Variants in CARMIL1 observed in about 807,000 individuals in gnomAD.
The protein encoded by CARMIL1 is capping protein regulator and myosin 1 linker 1, also known as F-actin-uncapping protein LRRC16A.
Under a neutral mutation model 177.1 loss-of-function variants are expected in CARMIL1, and 90 were observed. The observed-to-expected ratio is 0.51, with a 90% CI of 0.43 to 0.61. The LOEUF (loss-of-function observed/expected upper bound fraction) is 0.61. Among genes scored for constraint, CARMIL1 ranks in the 20% least tolerant of loss-of-function variants. The pLI is 0.00. For synonymous variants in CARMIL1, 577 were observed against 606.2 expected (o/e 0.95, Z 0.71); for missense variants, 1,380 against 1,667.0 (o/e 0.83, Z 3.00).
At chr6:25,341,230 A>G (rs1293947784) in intron 2 of CARMIL1, among the ~76,000 whole-genome samples, 3 of 152,148 alleles carry the variant, frequency 2.0e-5, no homozygotes, top group Non-Finnish European at 2.9e-5. Flanking sequence ...GCTGGGATTT[A>G]AGTTGAGGTA....
At chr6:25,297,223 T>C (rs1280062056) in intron 2 of CARMIL1, among the ~76,000 whole-genome samples, 33 of 152,268 alleles carry the variant, frequency 2.2e-4, no homozygotes, top group Non-Finnish European at 8.8e-5. Context: ...TCACTGCTTG[T>C]GCTGTTGATA....
At chr6:25,518,853 GA>G (rs1227080295) in intron 22 of CARMIL1, among the ~76,000 whole-genome samples, 2 of 152,174 alleles carry the variant, frequency 1.3e-5, no homozygotes, top group Non-Finnish European at 2.9e-5. Context: ...TAACATGATA[GA>G]AATTGGATGA....
At chr6:25,459,249 T>A (rs1421675463) in intron 8 of CARMIL1, among the ~76,000 whole-genome samples, 1 of 117,626 alleles carries the variant, frequency 8.5e-6, no homozygotes, top group African/African-American at 3.1e-5. Flanking sequence ...TTTCTTTCTT[T>A]CTTTCTTTCT....
intron 2 of CARMIL1, among the ~76,000 whole-genome samples, chr6:25,355,572 G>C (rs1029860439): frequency 6.6e-6 from 1 of 152,180 alleles, no homozygotes; most frequent in African/African-American, 2.4e-5. Flanking sequence ...TACTCTGGAG[G>C]TTGAGGCGGG....
intron 2 of CARMIL1, among the ~76,000 whole-genome samples, chr6:25,355,627 T>A (rs1788516775): frequency 6.6e-6 from 1 of 152,170 alleles, no homozygotes; most frequent in Non-Finnish European, 1.5e-5. Context: ...TGAGTTATGA[T>A]CGCACCACTG....
intron 2 of CARMIL1, among the ~76,000 whole-genome samples, chr6:25,299,711 C>T (rs1304921490): frequency 6.6e-6 from 1 of 151,894 alleles, no homozygotes; most frequent in Non-Finnish European, 1.5e-5. Flanking sequence ...CACGGTGGCT[C>T]ATGCCTGTAA....
chr6:25,584,194 T>C (rs1254419363), intron 31 of CARMIL1, among the ~76,000 whole-genome samples: 1 of 151,014 alleles, frequency 6.6e-6, no homozygotes, highest in Non-Finnish European at 1.5e-5. Flanking sequence ...CCACCATGCT[T>C]GGCTAATTAT....
At chr6:25,556,956 A>G in intron 29 of CARMIL1, 106 bp downstream of exon 29, 1 of 1,122,534 alleles carries the variant, frequency 8.9e-7, no homozygotes, top group Non-Finnish European at 1.3e-6. Context: ...CAAACAAAAC[A>G]CTGTCCCCAC....
chr6:25,592,334 G>A (rs1200330178), intron 31 of CARMIL1, among the ~76,000 whole-genome samples: 5 of 152,188 alleles, frequency 3.3e-5, no homozygotes, highest in African/African-American at 1.2e-4. Context: ...GGCTATTACT[G>A]CTATAGAGAT....
intron 3 of CARMIL1, among the ~76,000 whole-genome samples, chr6:25,424,105 C>G (rs1432271169): frequency 6.6e-6 from 1 of 152,124 alleles, no homozygotes; most frequent in Non-Finnish European, 1.5e-5. Flanking sequence ...TAATGATAAC[C>G]TGGGACTTCA....
At chr6:25,309,605 A>C (rs1783609720) in intron 2 of CARMIL1, among the ~76,000 whole-genome samples, 1 of 151,700 alleles carries the variant, frequency 6.6e-6, no homozygotes, top group African/African-American at 2.4e-5. Context: ...CCTAGTCTAG[A>C]TATTTTATAT....
chr6:25,435,428 T>TA (rs1797137813), intron 4 of CARMIL1, 55 bp from the exon 5 acceptor site: 1 of 1,452,518 alleles, frequency 6.9e-7, no homozygotes, highest in Non-Finnish European at 9.2e-7. Context: ...TTAAAATAAT[T>TA]AAAAACGGAA....
chr6:25,343,325 T>A (rs1787149144), intron 2 of CARMIL1, among the ~76,000 whole-genome samples: 1 of 152,034 alleles, frequency 6.6e-6, no homozygotes, highest in South Asian at 2.1e-4. Context: ...GCTTTTTTTT[T>A]TTTTTTTGGA....
chr6:25,437,457 C>G (rs1379730952), intron 5 of CARMIL1, among the ~76,000 whole-genome samples: 1 of 152,168 alleles, frequency 6.6e-6, no homozygotes, highest in Non-Finnish European at 1.5e-5. Context: ...CATTTAACTT[C>G]TTGTTAAAAT....
At chr6:25,567,895 A>G (rs1811694693) in intron 29 of CARMIL1, among the ~76,000 whole-genome samples, 1 of 152,230 alleles carries the variant, frequency 6.6e-6, no homozygotes, top group Non-Finnish European at 1.5e-5. Flanking sequence ...AGACATTCAG[A>G]GAGTGAAATG....
rs148688594 is a variant in CARMIL1 at position 25,344,482 on chromosome 6, A to G, written c.138+59573A>G. Among the ~76,000 whole-genome samples, 19 of 152,182 alleles carry G rather than the reference A, an allele frequency of 1.2e-4. No individual in the cohort carries two copies. The East Asian group carries it at 2.5e-3, about 20-fold the overall frequency. ...CTTCACCTGTTCTGTGCTTGCACCC[A>G]TGAGGCCAAATGTGCTTGGAGAATA... is the stretch of plus-strand genomic sequence containing the variant. On this transcript the variant is annotated intron_variant, in intron 2 of 36. Transcript: ENST00000329474.
At chr6:25,381,586 A>G (rs1791544194) in intron 2 of CARMIL1, among the ~76,000 whole-genome samples, 1 of 152,146 alleles carries the variant, frequency 6.6e-6, no homozygotes, top group Non-Finnish European at 1.5e-5. Context: ...GGCTCACAGA[A>G]CTCACGAAGT....
At chr6:25,400,939 C>T (rs959666548) in intron 2 of CARMIL1, among the ~76,000 whole-genome samples, 3 of 152,150 alleles carry the variant, frequency 2.0e-5, no homozygotes, top group Non-Finnish European at 2.9e-5. Flanking sequence ...ACCAAGCCAT[C>T]CTTAAGAAAT....
intron 24 of CARMIL1, 38 bp downstream of exon 24, chr6:25,528,931 T>C (rs1436245546): frequency 2.7e-6 from 4 of 1,487,034 alleles, no homozygotes; most frequent in Non-Finnish European, 3.7e-6. Flanking sequence ...CCTTCTATTC[T>C]TAACTGACCC....
Sources: gnomAD v4.1 joint callset for allele counts (sites outside exome capture counted in the v4.1 genomes callset) on GRCh38, gnomAD v4.1.1 for gene constraint, MANE v1.5 for transcripts, NCBI Gene and HGNC (gene_info 2026-07-23, HGNC 2026-07-21) for gene names.